JPH4: variants seen among roughly 807,000 people sequenced by gnomAD.
JPH4 encodes junctophilin-4.
JPH4 carries 18 observed loss-of-function variants against 57.6 expected under a neutral mutation model. The observed-to-expected ratio is 0.31, with a 90% CI of 0.22 to 0.46. The LOEUF is 0.46. Among genes scored for constraint, JPH4 ranks in the 20% least tolerant of loss-of-function variants. The pLI is 1.00. For synonymous variants in JPH4, 425 were observed against 406.6 expected (o/e 1.05, Z -0.54); for missense variants, 727 against 911.1 (o/e 0.80, Z 2.60).
intron 5 of JPH4, among the ~76,000 whole-genome samples, chr14:23,570,609 C>T (rs1889105358): frequency 6.6e-6 from 1 of 152,006 alleles, no homozygotes; most frequent in Admixed American, 6.6e-5. Context: ...CTCCTGACCT[C>T]GTGATCCGCC....
Position 23,571,074 on chromosome 14 carries a change from G to A in JPH4, c.1657C>T (p.Leu553=). ...REEEGEDEEP[L]PPLRAPAGTE... ...CCTGCTGGGGCCCTCAGCGGGGGCA[G>A]GGGCTCTTCATCCTCCCCCTCCTCC... The change falls in exon 5 of 6, where the codon CTG becomes TTG. Residue 553 remains leucine (L), a synonymous_variant. Coordinates refer to ENST00000356300, the MANE Select transcript of JPH4 (RefSeq NM_001146028.2). This position sits in a 1 kb window ranked among gnomAD's most constrained non-coding sequence, Gnocchi z 4.6. 6.2e-7 allele frequency: 1 copy of A among 1,612,964 alleles called. No individual in the cohort carries two copies. The highest frequency in any genetic ancestry group is 8.5e-7 in the Non-Finnish European group (1 of 1,179,384).
chr14:23,575,740 C>G lies in JPH4; in HGVS notation c.1096G>C (p.Gly366Arg). Reference sequence around the variant, plus strand: ...GCAGCACTCACGGCTCGACGGGCGCCCTCGACAGCCCTGTCCACCTTCTCC... The same window carrying G: ...GCAGCACTCACGGCTCGACGGGCGCGCTCGACAGCCCTGTCCACCTTCTCC... ...VKEKVDRAVE[G>R]ARRAVSAARQ... Residue 366 changes from glycine to arginine, a missense_variant, in exon 3 of 6, where the codon GGC (glycine) becomes CGC (arginine). This residue lies in a region of JPH4 where 112 missense variants were observed against 199.4 expected (regional missense o/e 0.56). Coordinates refer to ENST00000356300, the MANE Select transcript of JPH4 (RefSeq NM_001146028.2). This position sits in a 1 kb window ranked among gnomAD's most constrained non-coding sequence, Gnocchi z 6.9. 2 of 1,593,830 alleles carry G rather than the reference C, an allele frequency of 1.3e-6. No homozygotes were observed. The highest frequency in any genetic ancestry group is 1.7e-6 in the Non-Finnish European group (2 of 1,172,900).
chr14:23,576,525 A>G lies in JPH4; in HGVS notation c.380-69T>C. On this transcript the variant is annotated intron_variant, in intron 2 of 5. Coordinates refer to ENST00000356300, the MANE Select transcript of JPH4 (RefSeq NM_001146028.2). The surrounding 1 kb of genome is among the most constrained non-coding windows in gnomAD (Gnocchi z 8.0). ...CTGGGCTCCTTGCGCCCCAAGTCCC[A>G]AGCGCCCCTGGAAGCCCAAGCGTCA... The G allele has an allele frequency of 7.8e-7, 1 of 1,286,550 alleles. No individual in the cohort carries two copies. The highest frequency in any genetic ancestry group is 9.9e-7 in the Non-Finnish European group (1 of 1,005,964). The allele number at this position is 1,286,550 out of a possible 1,614,324, so 79.7% of individuals were successfully genotyped here.
In JPH4 at chr14:23,577,383, G is replaced by A; in HGVS notation, c.71C>T (p.Ala24Val). The A allele has an allele frequency of 6.7e-7, 1 of 1,489,492 alleles. No homozygotes were observed. Among genetic ancestry groups the A allele is most frequent in the Non-Finnish European group, 8.9e-7 (1 of 1,122,064 alleles). 92.3% of individuals were successfully genotyped at this position (1,489,492 alleles called of 1,614,324 possible). A position where few individuals can be genotyped will look rare whatever the true frequency, so the allele number is the denominator to read the frequency against. The change falls in exon 2 of 6, where the codon GCA (alanine) becomes GTA (valine). Residue 24 changes from alanine (A) to valine (V), a missense_variant. By Grantham distance (64) the Ala-to-Val change is moderately conservative. Around this residue, in one of 7 missense-constraint regions of JPH4, gnomAD observed 83 missense variants for 135.4 expected, o/e 0.61. Transcript: ENST00000356300. The surrounding 1 kb of genome is among the most constrained non-coding windows in gnomAD (Gnocchi z 8.4). Reference protein sequence around the residue: ...CYVGGWEAGRAHGYGVCTGPG... With the variant: ...CYVGGWEAGRVHGYGVCTGPG... ...GCCCGTGCACACGCCGTAGCCATGT[G>A]CCCGCCCCGCCTCCCAGCCCCCCAC...
chr14:23,577,493 C>A lies in JPH4; in HGVS notation c.-40G>T. 7.2e-7 allele frequency: 1 copy of A among 1,386,966 alleles called. No individual in the cohort carries two copies. Among genetic ancestry groups the A allele is most frequent in the Non-Finnish European group, 9.3e-7 (1 of 1,074,608 alleles). The allele number at this position is 1,386,966 out of a possible 1,614,324, so 85.9% of individuals were successfully genotyped here. On this transcript the variant is annotated 5_prime_UTR_variant, in exon 2 of 6. Coordinates refer to ENST00000356300, the MANE Select transcript of JPH4 (RefSeq NM_001146028.2). This position sits in a 1 kb window ranked among gnomAD's most constrained non-coding sequence, Gnocchi z 8.4. Reference sequence around the variant, plus strand: ...CGGCCTCAGCCCCCCGGCGGCTCAGCGCATCCTGGGACTGGAGAGCCTGCT... The same window carrying A: ...CGGCCTCAGCCCCCCGGCGGCTCAGAGCATCCTGGGACTGGAGAGCCTGCT...
chr14:23,568,391 A>G lies in JPH4; in HGVS notation c.*1243T>C. ...TCCTAGGGCTTCCTGCTCCCAGGGG[A>G]AAAACTAATACCAGAGAGGGATCAG... is the stretch of plus-strand genomic sequence containing the variant. On this transcript the variant is annotated 3_prime_UTR_variant, in exon 6 of 6. Transcript: ENST00000356300. The G allele has an allele frequency of 4.1e-6, 4 of 985,826 alleles. No homozygotes were observed. The highest frequency in any genetic ancestry group is 4.8e-6 in the Non-Finnish European group (4 of 829,972). 61.1% of individuals were successfully genotyped at this position (985,826 alleles called of 1,614,324 possible). A position where few individuals can be genotyped will look rare whatever the true frequency, so the allele number is the denominator to read the frequency against.
intron 3 of JPH4, among the ~76,000 whole-genome samples, chr14:23,573,937 AACACACAC>A (rs35127620): frequency 7.7e-5 from 11 of 143,184 alleles, no homozygotes; most frequent in South Asian, 2.3e-4. Flanking sequence ...CTCTCTCTGT[AACACACAC>A]ACACACACAC....
rs770608625 is a variant in JPH4 at position 23,571,059 on chromosome 14, C to A, written c.1672G>T (p.Ala558Ser). The change falls in exon 5 of 6, where the codon GCC (alanine) becomes TCC (serine). Residue 558 changes from alanine (A) to serine (S), a missense_variant. Physicochemically the swap from Ala to Ser is moderately conservative, Grantham distance 99. Coordinates refer to ENST00000356300, the MANE Select transcript of JPH4 (RefSeq NM_001146028.2). This position sits in a 1 kb window ranked among gnomAD's most constrained non-coding sequence, Gnocchi z 4.6. ...GGCTCAGGCTCCGTGCCTGCTGGGGCCCTCAGCGGGGGCAGGGGCTCTTCA... is the reference window on the plus strand; with the variant it reads ...GGCTCAGGCTCCGTGCCTGCTGGGGACCTCAGCGGGGGCAGGGGCTCTTCA... ...EDEEPLPPLRAPAGTEPEPIA... is the reference protein window; with the variant it reads ...EDEEPLPPLRSPAGTEPEPIA... 11 of 1,610,142 alleles carry A rather than the reference C, an allele frequency of 6.8e-6. No individual in the cohort carries two copies. Among genetic ancestry groups the A allele is most frequent in the Non-Finnish European group, 9.3e-6 (11 of 1,177,964 alleles).
At position 23,575,593 on chromosome 14, in the gene JPH4, G is replaced by C. The variant is rs1332681862; in HGVS notation, c.1151+92C>G. The C allele has an allele frequency of 4.7e-6, 7 of 1,504,348 alleles. No individual in the cohort carries two copies. Among genetic ancestry groups the C allele is most frequent in the African/African-American group, 1.4e-5 (1 of 72,360 alleles). The allele number at this position is 1,504,348 out of a possible 1,614,324, so 93.2% of individuals were successfully genotyped here. A position where few individuals can be genotyped will look rare whatever the true frequency, so the allele number is the denominator to read the frequency against. On this transcript the variant is annotated intron_variant, in intron 3 of 5. Coordinates refer to ENST00000356300, the MANE Select transcript of JPH4 (RefSeq NM_001146028.2). This position sits in a 1 kb window ranked among gnomAD's most constrained non-coding sequence, Gnocchi z 6.9. ...TGCAATAGCAGGCCCTAGGCCTTGG[G>C]CCTTGGGCCTCCCTTAGGCACACCC...
At position 23,571,600 on chromosome 14, in the gene JPH4, C is replaced by G; in HGVS notation, c.1271-140G>C. ...CTCTCACCGCCAGACCCCAAACCCC[C>G]CATTATCCTACTGCATACATTCCCA... On this transcript the variant is annotated intron_variant, in intron 4 of 5. Coordinates refer to ENST00000356300, the MANE Select transcript of JPH4 (RefSeq NM_001146028.2). The surrounding 1 kb of genome is among the most constrained non-coding windows in gnomAD (Gnocchi z 4.6). 1 of 1,154,490 alleles carries G rather than the reference C, an allele frequency of 8.7e-7. No individual in the cohort carries two copies. Among genetic ancestry groups the G allele is most frequent in the South Asian group, 1.4e-5 (1 of 69,516 alleles). The allele number at this position is 1,154,490 out of a possible 1,614,324, so 71.5% of individuals were successfully genotyped here.
Position 23,575,080 on chromosome 14 carries a change from ACAGGGAAGCCTCCTC to A in JPH4, c.1151+590_1151+604del, listed in dbSNP as rs1350940125. The A allele has an allele frequency of 6.5e-6, 1 of 153,476 alleles. No individual in the cohort carries two copies. The highest frequency in any genetic ancestry group is 2.4e-5 in the African/African-American group (1 of 41,500). The allele number at this position is 153,476 out of a possible 1,614,324, so 9.5% of individuals were successfully genotyped here. A position where few individuals can be genotyped will look rare whatever the true frequency, so the allele number is the denominator to read the frequency against. On this transcript the variant is annotated intron_variant, in intron 3 of 5. Coordinates refer to ENST00000356300, the MANE Select transcript of JPH4 (RefSeq NM_001146028.2). This position sits in a 1 kb window ranked among gnomAD's most constrained non-coding sequence, Gnocchi z 6.9. ...TTTGATTTACAGAAACGTTTCATTT[ACAGGGAAGCCTCCTC>A]CCCTCAAACCTCCCATCAGTTGGGT...
chr14:23,575,892 T>C lies in JPH4; in HGVS notation c.944A>G (p.His315Arg). 6.4e-7 allele frequency: 1 copy of C among 1,570,562 alleles called. No homozygotes were observed. Among genetic ancestry groups the C allele is most frequent in the African/African-American group, 1.3e-5 (1 of 74,220 alleles). Residue 315 changes from histidine (H) to arginine (R), a missense_variant, in exon 3 of 6, where the codon CAC becomes CGC. Physicochemically the swap from His to Arg is conservative, Grantham distance 29 (BLOSUM62 0). Transcript: ENST00000356300. The surrounding 1 kb of genome is among the most constrained non-coding windows in gnomAD (Gnocchi z 6.9). ...GGGGCGGGTGGTGCGCCCGTAGCCG[T>C]GCCGCCGGTTGCCCAGCCACTCGCC... The part of the protein sequence containing the change: ...YEGEWLGNRR[H>R]GYGRTTRPDG...
At chr14:23,572,382 C>A (rs1889174654) in intron 3 of JPH4, among the ~76,000 whole-genome samples, 1 of 151,858 alleles carries the variant, frequency 6.6e-6, no homozygotes, top group Non-Finnish European at 1.5e-5. Context: ...ACCCCTCTCA[C>A]CCCCCTGGAG....
intron 3 of JPH4, chr14:23,572,945 C>G (rs908960700): frequency 7.1e-6 from 5 of 702,470 alleles, no homozygotes; most frequent in Admixed American, 6.0e-5. Flanking sequence ...TCTTCCCTTT[C>G]ACCCTCTGCT....
At position 23,571,145 on chromosome 14, in the gene JPH4, G is replaced by A. The variant is rs1020658714; in HGVS notation, c.1586C>T (p.Ser529Phe). The A allele has an allele frequency of 3.7e-6, 6 of 1,614,110 alleles. No individual in the cohort carries two copies. Among genetic ancestry groups the A allele is most frequent in the Non-Finnish European group, 4.2e-6 (5 of 1,179,994 alleles). The change falls in exon 5 of 6, where the codon TCC becomes TTC. Residue 529 changes from serine (S) to phenylalanine (F), a missense_variant. Ser to Phe is a radical substitution (Grantham distance 155). This residue lies in a region of JPH4 where 293 missense variants were observed against 279.8 expected (regional missense o/e 1.05). Coordinates refer to ENST00000356300, the MANE Select transcript of JPH4 (RefSeq NM_001146028.2). This position sits in a 1 kb window ranked among gnomAD's most constrained non-coding sequence, Gnocchi z 4.6. ...GMQGPGPRDGSPLLGGCSDSS... is the reference protein window; with the variant it reads ...GMQGPGPRDGFPLLGGCSDSS... The stretch of plus-strand genomic sequence containing the variant: ...GTCGCTGCAGCCTCCGAGGAGTGGG[G>A]AACCGTCTCTGGGCCCTGGCCCTTG...
In JPH4 at chr14:23,577,139, G is replaced by C; in HGVS notation, c.315C>G (p.Arg105=). ...AACCGTCCTTCCAGAGCCCGGCGTAGCGCAGGCCGGACACGCTTTCCCACA... is the reference window on the plus strand; with the variant it reads ...AACCGTCCTTCCAGAGCCCGGCGTACCGCAGGCCGGACACGCTTTCCCACA... ...SGVWESVSGL[R]YAGLWKDGFQ... is the part of the protein sequence containing the mutation. Residue 105 remains arginine (R), a synonymous_variant, in exon 2 of 6, where the codon CGC becomes CGG. Coordinates refer to ENST00000356300, the MANE Select transcript of JPH4 (RefSeq NM_001146028.2). This position sits in a 1 kb window ranked among gnomAD's most constrained non-coding sequence, Gnocchi z 8.4. 1.3e-6 allele frequency: 2 copies of C among 1,548,462 alleles called. No homozygotes were observed. The highest frequency in any genetic ancestry group is 1.7e-6 in the Non-Finnish European group (2 of 1,155,284).
intron 3 of JPH4, among the ~76,000 whole-genome samples, chr14:23,574,081 A>C (rs1011895722): frequency 6.6e-6 from 1 of 152,130 alleles, no homozygotes; most frequent in African/African-American, 2.4e-5. Context: ...CCACCCCTTT[A>C]AAAGAAAATT....
chr14:23,572,002 C>A, intron 3 of JPH4, 82 bp from the exon 4 acceptor site: 1 of 1,223,934 alleles, frequency 8.2e-7, no homozygotes, highest in South Asian at 1.3e-5. Context: ...GCCCCCTAGC[C>A]CCTGTCCCCT....
At chr14:23,574,228 G>C (rs1889220388) in intron 3 of JPH4, among the ~76,000 whole-genome samples, 1 of 150,482 alleles carries the variant, frequency 6.6e-6, no homozygotes, top group African/African-American at 2.5e-5. Context: ...AGGCTAGAGT[G>C]CAGTGGCGTG....
Sources: allele counts gnomAD v4.1 joint callset (sites outside exome capture counted in the v4.1 genomes callset), GRCh38; gene constraint gnomAD v4.1.1; regional missense constraint gnomAD v4.1.1; non-coding constraint Gnocchi (gnomAD v3.1); transcripts MANE v1.5; gene names NCBI Gene and HGNC (gene_info 2026-07-23, HGNC 2026-07-21).